ARHGEF3: variants seen among roughly 807,000 people sequenced by gnomAD.
The protein encoded by ARHGEF3 is 59.8 kDA protein.
Under a neutral mutation model 63.2 loss-of-function variants are expected in ARHGEF3, and 28 were observed. The observed-to-expected ratio is 0.44, with a 90% CI of 0.33 to 0.61. ARHGEF3 has a LOEUF of 0.61. ARHGEF3 is among the 20% of genes least tolerant of loss of function. ARHGEF3 has a pLI of 0.03. For missense variants in ARHGEF3, 533 were observed against 659.3 expected, an observed-to-expected ratio of 0.81 and a Z score of 2.10; for synonymous variants, 266 against 254.2, an observed-to-expected ratio of 1.05 and a Z score of -0.44.
At chr3:57,000,497 C>CATTATTATTATTATT (rs375967050) in intron 2 of ARHGEF3, among the ~76,000 whole-genome samples, 2 of 148,920 alleles carry the variant, frequency 1.3e-5, no homozygotes, top group African/African-American at 5.0e-5. Context: ...ACCTTTACTA[C>CATTATTATTATTATT]ATTATTATTA....
intron 3 of ARHGEF3, among the ~76,000 whole-genome samples, chr3:56,912,702 A>G: frequency 6.6e-6 from 1 of 152,256 alleles, no homozygotes; most frequent in East Asian, 1.9e-4. Flanking sequence ...ATTAACTATC[A>G]CTGACATGTA....
rs747886010 is a variant in ARHGEF3, at chr3:57,002,498, T to TATATATATA, written c.62+32589_62+32590insTATATATAT. On this transcript the variant is annotated intron_variant, in intron 2 of 12. Coordinates refer to the ARHGEF3 transcript ENST00000338458. ...TATATGTTATATATATATATATATGTTATATATATATATATGTTATATATG... is the reference window on the plus strand; with the variant it reads ...TATATGTTATATATATATATATATGTATATATATATATATATATATATATGTTATATATG... Among the ~76,000 whole-genome samples the TATATATATA allele has an allele frequency of 5.2e-4, 7 of 13,494 alleles. 1 individual carries two copies. Among genetic ancestry groups the TATATATATA allele is most frequent in the African/African-American group, 1.5e-3 (7 of 4,612 alleles). The allele number at this position is 13,494 out of a possible 152,430, so 8.9% of individuals were successfully genotyped here. A position where few individuals can be genotyped will look rare whatever the true frequency, so the allele number is the denominator to read the frequency against.
chr3:57,077,987 C>A (rs1459961958), intron 1 of ARHGEF3, among the ~76,000 whole-genome samples: 1 of 152,170 alleles, frequency 6.6e-6, no homozygotes, highest in Non-Finnish European at 1.5e-5. Flanking sequence ...CCTGCACACC[C>A]ACCTCATTGA....
At chr3:57,007,258 A>G in intron 2 of ARHGEF3, 10 of 1,289,842 alleles carry the variant, frequency 7.8e-6, no homozygotes, top group Non-Finnish European at 1.0e-5. Context: ...AGCCACATAA[A>G]TCAGACTTTC....
At chr3:56,967,386 T>A (rs190313693) in intron 2 of ARHGEF3, among the ~76,000 whole-genome samples, 67 of 68,150 alleles carry the variant, frequency 9.8e-4, no homozygotes, top group Non-Finnish European at 1.2e-3. Flanking sequence ...ATATTATACA[T>A]ATTATATATT....
intron 2 of ARHGEF3, among the ~76,000 whole-genome samples, chr3:56,763,275 T>G (rs2035523731): frequency 6.6e-6 from 1 of 152,302 alleles, no homozygotes; most frequent in Admixed American, 6.5e-5. Flanking sequence ...GCAGGAATGG[T>G]AGTTACCTAT....
Position 57,077,731 on chromosome 3 carries a change from C to T in ARHGEF3, c.-28+1495G>A, listed in dbSNP as rs573975619. Among the ~76,000 whole-genome samples the T allele has an allele frequency of 1.4e-4, 21 of 152,268 alleles. No homozygotes were observed. In the East Asian group the frequency reaches 3.9e-3, roughly 28 times the overall value. On this transcript the variant is annotated intron_variant, in intron 1 of 12. Transcript: ENST00000338458. ...CAAGTGAAATCTACCCACCCTCCCC[C>T]CAACCAAGAGGCAAACATTCAATCA...
At chr3:56,916,253 G>A (rs980414546) in intron 3 of ARHGEF3, 16 of 1,520,032 alleles carry the variant, frequency 1.1e-5, no homozygotes, top group African/African-American at 8.3e-5. Flanking sequence ...CACCCCACCC[G>A]GCTCGGGTGG....
intron 3 of ARHGEF3, among the ~76,000 whole-genome samples, chr3:56,955,031 C>T (rs1699979940): frequency 6.6e-6 from 1 of 152,154 alleles, no homozygotes; most frequent in African/African-American, 2.4e-5. Context: ...TGCCTACCAG[C>T]TTCTCCCACT....
chr3:57,038,371 G>A (rs1376969557), intron 1 of ARHGEF3, among the ~76,000 whole-genome samples: 2 of 152,282 alleles, frequency 1.3e-5, no homozygotes, highest in East Asian at 1.9e-4. Flanking sequence ...TCAACCAAGA[G>A]GTGATACTCT....
chr3:56,952,561 ACTGTAT>A (rs372936811), intron 3 of ARHGEF3, among the ~76,000 whole-genome samples: 4 of 152,302 alleles, frequency 2.6e-5, no homozygotes, highest in African/African-American at 7.2e-5. Context: ...ATATTAAGGT[ACTGTAT>A]TTTCTCATTT....
At chr3:56,884,791 C>A (rs2040869273) in intron 3 of ARHGEF3, among the ~76,000 whole-genome samples, 1 of 152,228 alleles carries the variant, frequency 6.6e-6, no homozygotes, top group African/African-American at 2.4e-5. Context: ...AAAAACAGCA[C>A]TTCAGTGCCA....
chr3:57,042,675 TATATATATATATATATATATA>T (rs1393675135), intron 1 of ARHGEF3, among the ~76,000 whole-genome samples: 1,163 of 41,332 alleles, frequency 0.028, 127 homozygotes, highest in African/African-American at 0.13. Flanking sequence ...TATATATATA[TATATATATATATATATATATA>T]TATATTTTTT....
Position 56,773,689 on chromosome 3 carries a change from GCCCTGTGTGC to G in ARHGEF3, c.204+10_204+19del, listed in dbSNP as rs2036127724. 6.5e-7 allele frequency: 1 copy of G among 1,548,526 alleles called. No homozygotes were observed. The highest frequency in any genetic ancestry group is 8.7e-7 in the Non-Finnish European group (1 of 1,151,028). ...ACACCATGATTTTCTGCAACCACAG[GCCCTGTGTGC>G]CCTTCTTACCTGCAGGGTTTGACTG... On this transcript the variant is annotated intron_variant, in intron 2 of 9. Coordinates refer to ENST00000296315, the MANE Select transcript of ARHGEF3 (RefSeq NM_019555.3).
At chr3:56,744,530 C>T (rs570103247) in intron 7 of ARHGEF3, among the ~76,000 whole-genome samples, 1 of 151,988 alleles carries the variant, frequency 6.6e-6, no homozygotes, top group South Asian at 2.1e-4. Flanking sequence ...TCCTGAGTAG[C>T]TGGGATTATA....
At chr3:56,882,266 G>A (rs2108258750) in intron 4 of ARHGEF3, 1 of 1,545,546 alleles carries the variant, frequency 6.5e-7, no homozygotes, top group East Asian at 2.4e-5. Flanking sequence ...CTCGGTGCCA[G>A]TGGGGGAAGA....
At chr3:56,757,773 T>A (rs56385950) in intron 2 of ARHGEF3, among the ~76,000 whole-genome samples, 5 of 151,176 alleles carry the variant, frequency 3.3e-5, no homozygotes, top group Non-Finnish European at 7.4e-5. Context: ...CCCAGGCTGG[T>A]GTGCAGTGGC....
At chr3:56,914,771 C>T (rs2041941484) in intron 3 of ARHGEF3, among the ~76,000 whole-genome samples, 1 of 152,070 alleles carries the variant, frequency 6.6e-6, no homozygotes, top group Admixed American at 6.6e-5. Context: ...TTTGACTCTA[C>T]TTATATGAGA....
At chr3:56,910,192 G>C (rs1180957345) in intron 3 of ARHGEF3, among the ~76,000 whole-genome samples, 1 of 152,178 alleles carries the variant, frequency 6.6e-6, no homozygotes, top group African/African-American at 2.4e-5. Flanking sequence ...TTACTTTTAA[G>C]ATGGAGTTTC....
Sources: gnomAD v4.1 joint callset for allele counts (sites outside exome capture counted in the v4.1 genomes callset) on GRCh38, gnomAD v4.1.1 for gene constraint, MANE v1.5 for transcripts, NCBI Gene and HGNC (gene_info 2026-07-23, HGNC 2026-07-21) for gene names.